TTC7A: variants seen among roughly 807,000 people sequenced by gnomAD.
TTC7A encodes tetratricopeptide repeat protein 7A.
In TTC7A, 110 loss-of-function variants were observed where a neutral mutation model predicts 103.7. The observed-to-expected ratio is 1.06, with a 90% confidence interval of 0.91 to 1.24. The LOEUF (loss-of-function observed/expected upper bound fraction) is 1.24, where lower values mean the gene tolerates loss of function less well. TTC7A is among the 50% of genes most tolerant of loss of function. The pLI, the probability that TTC7A is intolerant of heterozygous loss-of-function variation, is 0.00. For synonymous variants in TTC7A, 521 were observed against 467.9 expected (o/e 1.11, Z -1.47); for missense variants, 1,340 against 1,116.3 (o/e 1.20, Z -2.86).
chr2:46,975,416 C>T (rs1438652062), intron 4 of TTC7A, among the ~76,000 whole-genome samples: 1 of 151,898 alleles, frequency 6.6e-6, no homozygotes, highest in African/African-American at 2.4e-5. Flanking sequence ...CTGCCTGGGT[C>T]TTGCAGTTGG....
upstream of TTC7A, among the ~76,000 whole-genome samples, chr2:46,940,420 G>T (rs1255307433): frequency 6.6e-6 from 1 of 152,148 alleles, no homozygotes; most frequent in Non-Finnish European, 1.5e-5. This position sits in a 1 kb window ranked among gnomAD's most constrained non-coding sequence, Gnocchi z 4.7. Context: ...CCTGTAAGAG[G>T]TCTCCCCCCA....
upstream of TTC7A, among the ~76,000 whole-genome samples, chr2:46,940,982 G>A (rs557780803): frequency 1.3e-5 from 2 of 152,224 alleles, no homozygotes; most frequent in Admixed American, 6.5e-5. This position sits in a 1 kb window ranked among gnomAD's most constrained non-coding sequence, Gnocchi z 4.7. Flanking sequence ...GGCGGGAAGC[G>A]AGGCGCCCCC....
At chr2:47,042,970 G>C (rs536691082) in intron 15 of TTC7A, among the ~76,000 whole-genome samples, 1 of 152,164 alleles carries the variant, frequency 6.6e-6, no homozygotes, top group African/African-American at 2.4e-5. Context: ...TCCCCCAGGA[G>C]TCACAGCGTT....
In TTC7A at chr2:47,060,785, G is replaced by A; in HGVS notation, c.2169G>A (p.Glu723=). 1 of 1,609,982 alleles carries A rather than the reference G, an allele frequency of 6.2e-7. No individual in the cohort carries two copies. Among genetic ancestry groups the A allele is most frequent in the South Asian group, 1.1e-5 (1 of 90,746 alleles). ...CTTTTGCAGCTGAGCTGTTCATGGA[G>A]CAGCAGCACCTCAAGGAAGCAGGTT... The part of the protein sequence containing the change: ...IWLQAAELFM[E]QQHLKEAGFC... Residue 723 remains glutamate (E), a synonymous_variant, in exon 19 of 20, where the codon GAG becomes GAA. Transcript: ENST00000319190.
At position 47,023,446 on chromosome 2, in the gene TTC7A, G is replaced by T. The variant is rs982437690; in HGVS notation, c.1549G>T (p.Ala517Ser). ...KSKQDELHRKALQTLERAQQL... is the reference protein window; with the variant it reads ...KSKQDELHRKSLQTLERAQQL... ...CAAGCAAGATGAATTGCACCGGAAG[G>T]CACTGCAGACGCTGGAGAGGTGAGG... Residue 517 changes from alanine (A) to serine (S), a missense_variant, in exon 13 of 20, where the codon GCA becomes TCA. Physicochemically the swap from Ala to Ser is moderately conservative, Grantham distance 99. Transcript: ENST00000319190. 3 of 1,614,130 alleles carry T rather than the reference G, an allele frequency of 1.9e-6. No homozygotes were observed. The highest frequency in any genetic ancestry group is 2.5e-6 in the Non-Finnish European group (3 of 1,180,014).
upstream of TTC7A, among the ~76,000 whole-genome samples, chr2:46,938,336 C>T (rs1188188829): frequency 6.6e-6 from 1 of 152,144 alleles, no homozygotes; most frequent in Non-Finnish European, 1.5e-5. Flanking sequence ...CACTATTATA[C>T]CTTTTTTTTT....
chr2:47,029,692 G>T (rs138018468), intron 15 of TTC7A, among the ~76,000 whole-genome samples: 1 of 152,200 alleles, frequency 6.6e-6, no homozygotes. Context: ...GCTTCTGCCT[G>T]CCCTGGGCTC....
intron 15 of TTC7A, among the ~76,000 whole-genome samples, chr2:47,042,408 A>G (rs1681846508): frequency 6.6e-6 from 1 of 152,190 alleles, no homozygotes; most frequent in Non-Finnish European, 1.5e-5. Context: ...AGGCTGAGGC[A>G]GGAAGATTGC....
chr2:47,061,462 G>C (rs766355561), intron 19 of TTC7A, among the ~76,000 whole-genome samples: 1 of 152,174 alleles, frequency 6.6e-6, no homozygotes, highest in Non-Finnish European at 1.5e-5. Context: ...GGGCTGTCAT[G>C]TCAGACCTGT....
chr2:47,042,472 G>A (rs1006517019), intron 15 of TTC7A, among the ~76,000 whole-genome samples: 1 of 151,710 alleles, frequency 6.6e-6, no homozygotes, highest in Non-Finnish European at 1.5e-5. Flanking sequence ...ACTGCACTCT[G>A]CCTGGGCAGC....
chr2:46,991,087 T>C (rs930921742), intron 5 of TTC7A, among the ~76,000 whole-genome samples: 2 of 152,102 alleles, frequency 1.3e-5, no homozygotes, highest in African/African-American at 2.4e-5. Context: ...AGTTAATTTT[T>C]GTAGTTTTAG....
chr2:47,051,685 C>T, intron 17 of TTC7A, 61 bp from the exon 18 acceptor site: 1 of 1,546,324 alleles, frequency 6.5e-7, no homozygotes, highest in Non-Finnish European at 8.8e-7. Flanking sequence ...ATGACTGCTC[C>T]TGGGGCCTGC....
chr2:46,989,483 A>G (rs1006952012), intron 5 of TTC7A, among the ~76,000 whole-genome samples: 1 of 152,226 alleles, frequency 6.6e-6, no homozygotes, highest in Non-Finnish European at 1.5e-5. Flanking sequence ...GGCCATCTGC[A>G]GAGCCCTGGA....
intron 14 of TTC7A, among the ~76,000 whole-genome samples, chr2:47,025,541 G>T (rs540920295): frequency 6.6e-6 from 1 of 152,136 alleles, no homozygotes; most frequent in Non-Finnish European, 1.5e-5. Context: ...TACTCTCAGT[G>T]CTGGGACCCC....
chr2:46,945,681 G>A (rs949138843), intron 1 of TTC7A, among the ~76,000 whole-genome samples: 4 of 152,124 alleles, frequency 2.6e-5, no homozygotes, highest in Admixed American at 6.5e-5. Flanking sequence ...GTGAGCCACC[G>A]TGCCCGGTCT....
chr2:46,970,612 G>A (rs1673269967), intron 3 of TTC7A, among the ~76,000 whole-genome samples: 1 of 152,246 alleles, frequency 6.6e-6, no homozygotes, highest in Non-Finnish European at 1.5e-5. Flanking sequence ...AATTGGCTGT[G>A]CCCTGCCACC....
In TTC7A at chr2:47,059,009, CTTTTTTTTTTTTTTTTTTTT is replaced by C. The variant is rs35753980; in HGVS notation, c.2153-1749_2153-1730del. 1.1e-4 allele frequency among the ~76,000 whole-genome samples: 5 copies of C among 44,702 alleles called. No individual in the cohort carries two copies. In the Admixed American group the frequency reaches 1.3e-3, roughly 12 times the overall value. 29.3% of individuals were successfully genotyped at this position (44,702 alleles called of 152,430 possible). ...GTGGGGTCCTCACCTCCTAAGCCTGCTTTTTTTTTTTTTTTTTTTTTTTTTTTTTTGAGATGGAGTCTCAC... is the reference window on the plus strand; with the variant it reads ...GTGGGGTCCTCACCTCCTAAGCCTGCTTTTTTTTTTGAGATGGAGTCTCAC... On this transcript the variant is annotated intron_variant, in intron 18 of 19. Coordinates refer to ENST00000319190, the MANE Select transcript of TTC7A (RefSeq NM_020458.4).
In TTC7A at chr2:47,042,702, G is replaced by GTGTGTGTGTA. The variant is rs111460716; in HGVS notation, c.1803-3612_1803-3611insGTGTGTGTAT. Among the ~76,000 whole-genome samples, 887 of 142,686 alleles carry GTGTGTGTGTA rather than the reference G, an allele frequency of 6.2e-3. 5 individuals carry two copies. Among genetic ancestry groups the GTGTGTGTGTA allele is most frequent in the African/African-American group, 0.01 (382 of 37,572 alleles). The allele number at this position is 142,686 out of a possible 152,430, so 93.6% of individuals were successfully genotyped here. On this transcript the variant is annotated intron_variant, in intron 15 of 19. Coordinates refer to ENST00000319190, the MANE Select transcript of TTC7A (RefSeq NM_020458.4). The stretch of plus-strand genomic sequence containing the variant: ...TGTGTGTGTGTGTGTGTGTGTGTGT[G>GTGTGTGTGTA]TATATATATGTATAAAGTAATTAAG...
Position 47,051,644 on chromosome 2 carries a change from A to G in TTC7A, c.2018-102A>G. The G allele has an allele frequency of 2.1e-6, 3 of 1,437,510 alleles. No individual in the cohort carries two copies. In the South Asian group the frequency reaches 4.3e-5, roughly 20 times the overall value. 89.0% of individuals were successfully genotyped at this position (1,437,510 alleles called of 1,614,324 possible). On this transcript the variant is annotated intron_variant, in intron 17 of 19. Transcript: ENST00000319190. ...CAGCCGCACCACCCTACCCTGATTC[A>G]GGGTGCCCTGTCTCCCCATGGTGCT...
Sources: gnomAD v4.1 joint callset for allele counts (sites outside exome capture counted in the v4.1 genomes callset) on GRCh38, gnomAD v4.1.1 for gene constraint, Gnocchi (gnomAD v3.1) non-coding constraint, MANE v1.5 for transcripts, NCBI Gene and HGNC (gene_info 2026-07-23, HGNC 2026-07-21) for gene names.